The following ETS1 variants were observed in gnomAD, a reference collection of about 807,000 sequenced individuals.
ETS1 encodes the protein protein C-ets-1.
Under a neutral mutation model 58.6 loss-of-function variants are expected in ETS1, and 15 were observed. That is an observed-to-expected ratio of 0.26 (90% CI 0.17 to 0.39). ETS1 has a LOEUF of 0.39. Among genes scored for constraint, ETS1 ranks in the 10% least tolerant of loss-of-function variants. The probability of loss-of-function intolerance (pLI) is 1.00; values close to 1 mark genes in which losing one functional copy is unlikely to be tolerated. For missense variants in ETS1, 417 were observed against 610.5 expected, an observed-to-expected ratio of 0.68 and a Z score of 3.34; for synonymous variants, 214 against 218.2, an observed-to-expected ratio of 0.98 and a Z score of 0.17.
chr11:128,502,920 A>ACATTAAT (rs1863128776), intron 3 of ETS1, among the ~76,000 whole-genome samples: 1 of 152,222 alleles, frequency 6.6e-6, no homozygotes, highest in Non-Finnish European at 1.5e-5. Flanking sequence ...TTCCACCGAC[A>ACATTAAT]GCCCTTAGCA....
chr11:128,485,013 G>T lies in ETS1; in HGVS notation c.672C>A (p.Phe224Leu). The change falls in exon 7 of 10, where the codon TTC becomes TTA. Residue 224 changes from phenylalanine to leucine, a missense_variant. By Grantham distance (22) the Phe-to-Leu change is conservative. Coordinates refer to ENST00000392668, the MANE Select transcript of ETS1 (RefSeq NM_001143820.2). ...VPPSEFSEPSFITESYQTLHP... is the reference protein window; with the variant it reads ...VPPSEFSEPSLITESYQTLHP... Reference sequence around the variant, plus strand: ...GGAGCGTCTGATAGGACTCTGTGATGAAGCTGGGCTCTGAGAACTCCGATG... The same window carrying T: ...GGAGCGTCTGATAGGACTCTGTGATTAAGCTGGGCTCTGAGAACTCCGATG... The T allele has an allele frequency of 6.2e-7, 1 of 1,613,928 alleles. No individual in the cohort carries two copies. The highest frequency in any genetic ancestry group is 8.5e-7 in the Non-Finnish European group (1 of 1,179,846).
At chr11:128,515,165 TAAACA>T (rs779339917) in intron 3 of ETS1, among the ~76,000 whole-genome samples, 20 of 152,210 alleles carry the variant, frequency 1.3e-4, no homozygotes, top group Non-Finnish European at 2.5e-4. Flanking sequence ...GATAAACATT[TAAACA>T]AAACAAAACA....
intron 2 of ETS1, chr11:128,572,367 G>A (rs993276390): frequency 6.6e-6 from 1 of 151,898 alleles, no homozygotes; most frequent in Non-Finnish European, 1.5e-5. Flanking sequence ...GAATAAAAAC[G>A]TAACAGAATT....
In ETS1 at chr11:128,489,460, C is replaced by T. The variant is rs1229930457; in HGVS notation, c.365G>A (p.Arg122Gln). 8.1e-6 allele frequency: 13 copies of T among 1,613,930 alleles called. No individual in the cohort carries two copies. Among genetic ancestry groups the T allele is most frequent in the East Asian group, 2.2e-5 (1 of 44,898 alleles). Reference sequence around the variant, plus strand: ...ATTCACAGCCCACATCACCCAGTCCCGAACATGGGTTTCTGTCCACTGCCG... The same window carrying T: ...ATTCACAGCCCACATCACCCAGTCCTGAACATGGGTTTCTGTCCACTGCCG... ...DPRQWTETHVRDWVMWAVNEF... is the reference protein window; with the variant it reads ...DPRQWTETHVQDWVMWAVNEF... Residue 122 changes from arginine to glutamine, a missense_variant, in exon 5 of 10, where the codon CGG (arginine) becomes CAG (glutamine). Transcript: ENST00000392668.
intron 8 of ETS1, among the ~76,000 whole-genome samples, chr11:128,477,638 A>T (rs1862358457): frequency 6.6e-6 from 1 of 152,166 alleles, no homozygotes; most frequent in Non-Finnish European, 1.5e-5. Context: ...AATAAATACT[A>T]AAATGTGGGC....
intron 3 of ETS1, among the ~76,000 whole-genome samples, chr11:128,538,133 A>C (rs1470280051): frequency 6.6e-6 from 1 of 152,062 alleles, no homozygotes; most frequent in Non-Finnish European, 1.5e-5. Context: ...AGAAAAGTGA[A>C]AAAAAAATTA....
chr11:128,502,653 A>G (rs896634809), intron 3 of ETS1, among the ~76,000 whole-genome samples: 3 of 152,128 alleles, frequency 2.0e-5, no homozygotes, highest in African/African-American at 7.2e-5. Context: ...TTTTGATGGT[A>G]TCTCTATTTT....
chr11:128,587,298 G>A (rs140946177), intron 1 of ETS1, among the ~76,000 whole-genome samples, 190 bp downstream of exon 1: 1,538 of 152,222 alleles, frequency 0.01, 29 homozygotes, highest in African/African-American at 0.036. Context: ...CTATTCTGAC[G>A]AGGTTAGGAA....
At chr11:128,545,634 G>C (rs1460493655) in intron 3 of ETS1, among the ~76,000 whole-genome samples, 1 of 152,152 alleles carries the variant, frequency 6.6e-6, no homozygotes, top group African/African-American at 2.4e-5. Flanking sequence ...TAGAAGAACA[G>C]GCCTTCTTTT....
In ETS1 at chr11:128,462,344, C is replaced by T. The variant is rs1222801415; in HGVS notation, c.*17G>A. The T allele has an allele frequency of 7.5e-6, 12 of 1,598,712 alleles. No homozygotes were observed. In the Admixed American group the frequency reaches 1.8e-4, roughly 24 times the overall value. On this transcript the variant is annotated 3_prime_UTR_variant, in exon 10 of 10. Transcript: ENST00000392668. Reference sequence around the variant, plus strand: ...TTGGAAGGTCTCAGCAGGGTTTCCCCAGCCCCTTCAGTGCCATCACTCGTC... The same window carrying T: ...TTGGAAGGTCTCAGCAGGGTTTCCCTAGCCCCTTCAGTGCCATCACTCGTC...
At position 128,527,251 on chromosome 11, in the gene ETS1, T is replaced by G. The variant is rs1012278714; in HGVS notation, c.214+29040A>C. The G allele has an allele frequency of 2.4e-5, 6 of 250,592 alleles. No individual in the cohort carries two copies. In the Admixed American group the frequency reaches 3.1e-4, roughly 13 times the overall value. The allele number at this position is 250,592 out of a possible 1,614,324, so 15.5% of individuals were successfully genotyped here. ...AAAGGGCCTGGGTTGGCTCTATTGC[T>G]GTCTGCAGTTTCTTTAGACTATAAT... On this transcript the variant is annotated intron_variant, in intron 3 of 9. Transcript: ENST00000392668.
chr11:128,465,671 T>C (rs1290264968), intron 8 of ETS1, among the ~76,000 whole-genome samples: 1 of 152,174 alleles, frequency 6.6e-6, no homozygotes, highest in Non-Finnish European at 1.5e-5. Context: ...ATCCCAAAGC[T>C]ATGTAAAAGA....
At chr11:128,488,012 C>T (rs528060552) in intron 5 of ETS1, among the ~76,000 whole-genome samples, 40 of 152,314 alleles carry the variant, frequency 2.6e-4, no homozygotes, top group Admixed American at 1.0e-3. Flanking sequence ...CACCTAGCAG[C>T]TCCATTTTGA....
At chr11:128,532,959 G>C (rs560527656) in intron 3 of ETS1, among the ~76,000 whole-genome samples, 1 of 152,286 alleles carries the variant, frequency 6.6e-6, no homozygotes, top group South Asian at 2.1e-4. Flanking sequence ...CTCTCCCCAT[G>C]CAGGTCTCCT....
intron 1 of ETS1, among the ~76,000 whole-genome samples, chr11:128,583,643 TC>T (rs1469173261): frequency 1.3e-5 from 2 of 152,210 alleles, no homozygotes; most frequent in Non-Finnish European, 1.5e-5. Context: ...TTTTTAAGTC[TC>T]TAAAAAGACT....
At chr11:128,470,618 C>A (rs912341464) in intron 8 of ETS1, among the ~76,000 whole-genome samples, 1 of 151,472 alleles carries the variant, frequency 6.6e-6, no homozygotes, top group East Asian at 1.9e-4. Context: ...AATGGAATTA[C>A]AAAGAAGAAT....
chr11:128,522,092 G>A (rs760812085), intron 3 of ETS1: 10 of 1,330,442 alleles, frequency 7.5e-6, no homozygotes, highest in Middle Eastern at 2.2e-4. Context: ...AGGGGACGGG[G>A]GAAATCCGAC....
intron 3 of ETS1, among the ~76,000 whole-genome samples, chr11:128,533,170 T>A (rs1342689430): frequency 6.6e-6 from 1 of 152,214 alleles, no homozygotes; most frequent in East Asian, 1.9e-4. Context: ...AAGGAATGGA[T>A]AAGGTTCATA....
At position 128,463,705 on chromosome 11, in the gene ETS1, C is replaced by G; in HGVS notation, c.1124-78G>C. ...CAGCTAATCCCCACACACGGCACTC[C>G]CACATCCCTCTTCTCTCAGCCCATC... On this transcript the variant is annotated intron_variant, in intron 8 of 9. Transcript: ENST00000392668. The surrounding 1 kb of genome is among the most constrained non-coding windows in gnomAD (Gnocchi z 4.1). The G allele has an allele frequency of 1.3e-6, 1 of 788,110 alleles. No individual in the cohort carries two copies. The highest frequency in any genetic ancestry group is 2.3e-6 in the Non-Finnish European group (1 of 442,032). The allele number at this position is 788,110 out of a possible 1,614,324, so 48.8% of individuals were successfully genotyped here. A position where few individuals can be genotyped will look rare whatever the true frequency, so the allele number is the denominator to read the frequency against.
Sources: allele counts gnomAD v4.1 joint callset (sites outside exome capture counted in the v4.1 genomes callset), GRCh38; gene constraint gnomAD v4.1.1; non-coding constraint Gnocchi (gnomAD v3.1); transcripts MANE v1.5; gene names NCBI Gene and HGNC (gene_info 2026-07-23, HGNC 2026-07-21).